EXOC6B: variants seen among roughly 807,000 people sequenced by gnomAD.
EXOC6B encodes exocyst complex component 6B.
EXOC6B carries 54 observed loss-of-function variants against 113.5 expected under a neutral mutation model. The ratio of observed to expected loss-of-function variants is 0.48; its 90% CI spans 0.38 to 0.60. The LOEUF (loss-of-function observed/expected upper bound fraction) is 0.60, where lower values mean the gene tolerates loss of function less well. Among genes scored for constraint, EXOC6B ranks in the 20% least tolerant of loss-of-function variants. The pLI, the probability that EXOC6B is intolerant of heterozygous loss-of-function variation, is 0.00. For synonymous variants in EXOC6B, 357 were observed against 339.0 expected (o/e 1.05, Z -0.58); for missense variants, 797 against 977.5 (o/e 0.82, Z 2.46).
At chr2:72,789,749 G>T (rs540211449) in intron 1 of EXOC6B, among the ~76,000 whole-genome samples, 24 of 152,192 alleles carry the variant, frequency 1.6e-4, no homozygotes, top group African/African-American at 5.5e-4. Flanking sequence ...AATGTATATA[G>T]ATAAGTAAAT....
chr2:72,704,891 C>T (rs1203616254), intron 6 of EXOC6B, among the ~76,000 whole-genome samples: 1 of 150,936 alleles, frequency 6.6e-6, no homozygotes, highest in South Asian at 2.1e-4. Flanking sequence ...CCGAATTCTA[C>T]CAGAGGTACA....
chr2:72,745,416 G>T (rs1193561391), intron 1 of EXOC6B, among the ~76,000 whole-genome samples: 1 of 152,038 alleles, frequency 6.6e-6, no homozygotes, highest in East Asian at 1.9e-4. Context: ...AGAATAACAT[G>T]AAAGGTTTGC....
intron 1 of EXOC6B, among the ~76,000 whole-genome samples, chr2:72,823,013 A>G (rs1686664747): frequency 6.6e-6 from 1 of 152,042 alleles, no homozygotes; most frequent in African/African-American, 2.4e-5. Context: ...CGGGATAAGG[A>G]AAAAAGGTGA....
At chr2:72,497,132 T>C (rs1173847926) in intron 13 of EXOC6B, among the ~76,000 whole-genome samples, 3 of 151,546 alleles carry the variant, frequency 2.0e-5, no homozygotes, top group Non-Finnish European at 4.4e-5. Flanking sequence ...CACCACCACA[T>C]CGGGCTAATT....
intron 3 of EXOC6B, among the ~76,000 whole-genome samples, chr2:72,731,530 T>C (rs1303462823): frequency 6.6e-6 from 1 of 152,238 alleles, no homozygotes; most frequent in Non-Finnish European, 1.5e-5. Context: ...ACTAAATCTC[T>C]ATTTCAACAA....
chr2:72,188,535 C>T (rs1218883784), intron 20 of EXOC6B, among the ~76,000 whole-genome samples: 2 of 152,118 alleles, frequency 1.3e-5, no homozygotes, highest in Non-Finnish European at 2.9e-5. Context: ...AAGTTAGCTG[C>T]TTGGAGGCAC....
At chr2:72,213,061 C>T (rs1038952867) in intron 20 of EXOC6B, among the ~76,000 whole-genome samples, 2 of 152,216 alleles carry the variant, frequency 1.3e-5, no homozygotes, top group Non-Finnish European at 2.9e-5. Flanking sequence ...TTAACAGATA[C>T]TACTAGCTTC....
intron 6 of EXOC6B, among the ~76,000 whole-genome samples, chr2:72,659,867 T>A (rs911743082): frequency 6.6e-6 from 1 of 152,172 alleles, no homozygotes; most frequent in Admixed American, 6.5e-5. Flanking sequence ...ATTTTTATGT[T>A]TGATTCACAT....
intron 16 of EXOC6B, among the ~76,000 whole-genome samples, chr2:72,489,773 T>G (rs912100573): frequency 6.6e-6 from 1 of 152,190 alleles, no homozygotes; most frequent in East Asian, 1.9e-4. Flanking sequence ...AAATAATGAA[T>G]AGTCACATAA....
chr2:72,422,276 G>C (rs1200609407), intron 18 of EXOC6B, among the ~76,000 whole-genome samples: 1 of 152,234 alleles, frequency 6.6e-6, no homozygotes, highest in African/African-American at 2.4e-5. Context: ...ACTAGGGGAA[G>C]CCAGCTGGGC....
intron 21 of EXOC6B, among the ~76,000 whole-genome samples, chr2:72,183,360 G>A (rs1369504865): frequency 6.6e-6 from 1 of 152,192 alleles, no homozygotes; most frequent in African/African-American, 2.4e-5. Flanking sequence ...GAGCCAGGCT[G>A]TAATACATAG....
At chr2:72,403,464 A>T (rs1441829215) in intron 18 of EXOC6B, among the ~76,000 whole-genome samples, 1 of 152,128 alleles carries the variant, frequency 6.6e-6, no homozygotes, top group East Asian at 1.9e-4. Context: ...AGGTGGTAGG[A>T]TTGCTTGAGG....
At chr2:72,363,125 T>C (rs1032522088) in intron 19 of EXOC6B, among the ~76,000 whole-genome samples, 1 of 152,058 alleles carries the variant, frequency 6.6e-6, no homozygotes, top group African/African-American at 2.4e-5. Flanking sequence ...ATATAAAACA[T>C]ATAAACATAC....
At chr2:72,676,126 T>TAA (rs879652258) in intron 6 of EXOC6B, among the ~76,000 whole-genome samples, 12 of 138,606 alleles carry the variant, frequency 8.7e-5, no homozygotes, top group African/African-American at 2.9e-4. Context: ...CATTCTAGTT[T>TAA]AAAAAAAAAA....
chr2:72,240,965 AG>A (rs58557320), intron 20 of EXOC6B, among the ~76,000 whole-genome samples: 1,622 of 152,326 alleles, frequency 0.011, 30 homozygotes, highest in African/African-American at 0.036. Context: ...TTACTGGAGC[AG>A]AAACAAAGAA....
At chr2:72,487,566 G>C (rs367710199) in intron 16 of EXOC6B, among the ~76,000 whole-genome samples, 14 of 152,110 alleles carry the variant, frequency 9.2e-5, no homozygotes, top group African/African-American at 2.7e-4. Flanking sequence ...TCGCCATGTT[G>C]GCCAGGATGG....
At chr2:72,184,225 G>T (rs1678275589) in intron 20 of EXOC6B, 38 bp from the exon 21 acceptor site, 1 of 1,080,182 alleles carries the variant, frequency 9.3e-7, no homozygotes, top group Non-Finnish European at 1.4e-6. Flanking sequence ...GGATTAGTCA[G>T]ACAGACAAGA....
At chr2:72,312,869 G>T (rs1687287593) in intron 20 of EXOC6B, among the ~76,000 whole-genome samples, 1 of 150,946 alleles carries the variant, frequency 6.6e-6, no homozygotes, top group African/African-American at 2.4e-5. Flanking sequence ...ATTTTACATT[G>T]GGGAAATAAA....
intron 11 of EXOC6B, among the ~76,000 whole-genome samples, chr2:72,509,541 T>G (rs1230226712): frequency 6.6e-6 from 1 of 152,088 alleles, no homozygotes; most frequent in Non-Finnish European, 1.5e-5. Flanking sequence ...ACACATAAAT[T>G]ATAAAGTAAA....
Sources: gnomAD v4.1 joint callset for allele counts (sites outside exome capture counted in the v4.1 genomes callset) on GRCh38, gnomAD v4.1.1 for gene constraint, MANE v1.5 for transcripts, NCBI Gene and HGNC (gene_info 2026-07-23, HGNC 2026-07-21) for gene names.